The following NOTCH1 variants were observed in gnomAD, a reference collection of about 807,000 sequenced individuals.
NOTCH1 encodes neurogenic locus notch homolog protein 1.
A neutral mutation model predicts 254.8 loss-of-function variants in NOTCH1; 37 were observed. The observed-to-expected ratio is 0.15, with a 90% confidence interval of 0.11 to 0.19. The LOEUF is 0.19. NOTCH1 is among the 10% of genes least tolerant of loss of function. The probability of loss-of-function intolerance (pLI) is 1.00; values close to 1 mark genes in which losing one functional copy is unlikely to be tolerated. For missense variants in NOTCH1, 2,972 were observed against 3,708.6 expected (o/e 0.80, Z 5.16); for synonymous variants, 1,731 against 1,618.1 (o/e 1.07, Z -1.68).
rs1456299219 is a variant in NOTCH1, at chr9:136,540,722, G to C, written c.140+3302C>G. Among the ~76,000 whole-genome samples, 1 of 152,074 alleles carries C rather than the reference G, an allele frequency of 6.6e-6. No homozygotes were observed. The highest frequency in any genetic ancestry group is 2.1e-4 in the South Asian group (1 of 4,812). On this transcript the variant is annotated intron_variant, in intron 2 of 33. Coordinates refer to ENST00000651671, the MANE Select transcript of NOTCH1 (RefSeq NM_017617.5). The surrounding 1 kb of genome is among the most constrained non-coding windows in gnomAD (Gnocchi z 4.4). ...GGCCTCAGACACGAGGTTGTCCAAA[G>C]CTAAAGCGCACCACCCAGCAGGCAG...
At position 136,540,248 on chromosome 9, in the gene NOTCH1, T is replaced by C. The variant is rs1473576184; in HGVS notation, c.140+3776A>G. The stretch of plus-strand genomic sequence containing the variant: ...GTGAACTCCACAGGAGCAGGGGCCA[T>C]GTCTGCCCTGTCCCCACCGGGGGCC... On this transcript the variant is annotated intron_variant, in intron 2 of 33. Coordinates refer to ENST00000651671, the MANE Select transcript of NOTCH1 (RefSeq NM_017617.5). The surrounding 1 kb of genome is among the most constrained non-coding windows in gnomAD (Gnocchi z 4.4). Among the ~76,000 whole-genome samples, 2 of 152,162 alleles carry C rather than the reference T, an allele frequency of 1.3e-5. No homozygotes were observed. Among genetic ancestry groups the C allele is most frequent in the Non-Finnish European group, 2.9e-5 (2 of 68,016 alleles).
At chr9:136,535,707 G>A in intron 2 of NOTCH1, among the ~76,000 whole-genome samples, 1 of 51,126 alleles carries the variant, frequency 2.0e-5, no homozygotes, top group African/African-American at 1.0e-4. Flanking sequence ...CAGGGGCAAT[G>A]GGTGCAGGGT....
In NOTCH1 at chr9:136,519,627, C is replaced by T. The variant is rs753325669; in HGVS notation, c.743-62G>A. 2.2e-5 allele frequency: 36 copies of T among 1,609,954 alleles called. No homozygotes were observed. In the African/African-American group the frequency reaches 3.1e-4, roughly 14 times the overall value. On this transcript the variant is annotated intron_variant, in intron 4 of 33. Coordinates refer to ENST00000651671, the MANE Select transcript of NOTCH1 (RefSeq NM_017617.5). ...GGTCCAGTCCGGCTCCTGCCTGGAC[C>T]CCCGACACACTGCTCTGGACACAAG...
rs905649343 is a variant in NOTCH1 at position 136,526,570 on chromosome 9, A to ACTCT, written c.141-2592_141-2591insAGAG. 1.4e-4 allele frequency among the ~76,000 whole-genome samples: 22 copies of ACTCT among 152,222 alleles called. No homozygotes were observed. In the East Asian group the frequency reaches 3.5e-3, roughly 24 times the overall value. ...AGCTTTAGGGGACCCCAGAGGGGAG[A>ACTCT]CGCTGGAGGTCCGAGCCCCTAGAGC... On this transcript the variant is annotated intron_variant, in intron 2 of 33. Coordinates refer to ENST00000651671, the MANE Select transcript of NOTCH1 (RefSeq NM_017617.5).
At chr9:136,526,525 G>A (rs1483524833) in intron 2 of NOTCH1, among the ~76,000 whole-genome samples, 1 of 152,202 alleles carries the variant, frequency 6.6e-6, no homozygotes, top group Non-Finnish European at 1.5e-5. Flanking sequence ...GGGAGGAGGG[G>A]CAGGGGAGGC....
At position 136,508,207 on chromosome 9, in the gene NOTCH1, G is replaced by A. The variant is rs777244795; in HGVS notation, c.3325+25C>T. On this transcript the variant is annotated intron_variant, in intron 20 of 33. Transcript: ENST00000651671. ...AGAGGACCTTGATGGGCTGGGACCC[G>A]AGCTGGGTGGGCACAGCAGGTTACC... 2.7e-5 allele frequency: 43 copies of A among 1,609,564 alleles called. No homozygotes were observed. In the Middle Eastern group the frequency reaches 1.8e-3, roughly 69 times the overall value.
In NOTCH1 at chr9:136,533,978, C is replaced by T. The variant is rs367603720; in HGVS notation, c.141-9999G>A. ...TGCCTGTGGCTCGGGCCATGAGTCA[C>T]GCTGGGTAACCCCACTACGGGGAAG... On this transcript the variant is annotated intron_variant, in intron 2 of 33. Coordinates refer to ENST00000651671, the MANE Select transcript of NOTCH1 (RefSeq NM_017617.5). 1.3e-4 allele frequency among the ~76,000 whole-genome samples: 20 copies of T among 152,334 alleles called. No individual in the cohort carries two copies. The South Asian group carries it at 3.7e-3, about 28-fold the overall frequency.
At chr9:136,507,812 T>C in intron 21 of NOTCH1, 143 bp downstream of exon 21, 1 of 889,848 alleles carries the variant, frequency 1.1e-6, no homozygotes, top group Non-Finnish European at 1.8e-6. Flanking sequence ...CTACCCTGAT[T>C]ACCCCAGCCC....
rs756488622 is a variant in NOTCH1 at position 136,508,341 on chromosome 9, G to A, written c.3216C>T (p.Gly1072=). The A allele has an allele frequency of 6.2e-7, 1 of 1,613,134 alleles. No homozygotes were observed. The highest frequency in any genetic ancestry group is 1.1e-5 in the South Asian group (1 of 91,090). Residue 1072 remains glycine, a synonymous_variant, in exon 20 of 34, where the codon GGC becomes GGT. Transcript: ENST00000651671. ...WCDSSPCKNG[G]KCWQTHTQYR... ...ACTGGGTGTGGGTCTGCCAGCATTT[G>A]CCGCCGTTCTTGCAGGGCGAGGAGT...
rs528601367 is a variant in NOTCH1 at position 136,533,662 on chromosome 9, G to C, written c.141-9683C>G. On this transcript the variant is annotated intron_variant, in intron 2 of 33. Coordinates refer to ENST00000651671, the MANE Select transcript of NOTCH1 (RefSeq NM_017617.5). ...GAGCTGCTGCCTCCCGCAGGGTCGA[G>C]GGCAGGACACTTGTCTGAGGCTTGG... 2.6e-5 allele frequency among the ~76,000 whole-genome samples: 4 copies of C among 152,382 alleles called. No individual in the cohort carries two copies. The East Asian group carries it at 7.7e-4, about 29-fold the overall frequency.
rs752255207 is a variant in NOTCH1 at position 136,518,256 on chromosome 9, T to C, written c.1136A>G (p.Asn379Ser). The C allele has an allele frequency of 8.7e-6, 14 of 1,611,256 alleles. No homozygotes were observed. In the South Asian group the frequency reaches 1.1e-4, roughly 13 times the overall value. Residue 379 changes from asparagine (N) to serine (S), a missense_variant, in exon 7 of 34, where the codon AAC (asparagine) becomes AGC (serine). Asn to Ser is a conservative substitution (Grantham distance 46). Coordinates refer to ENST00000651671, the MANE Select transcript of NOTCH1 (RefSeq NM_017617.5). ...GCAGTTGGAGCCCTCGTTACAGGGGTTGCTGATGCATGCGTCGTTGAGGTG... is the reference window on the plus strand; with the variant it reads ...GCAGTTGGAGCCCTCGTTACAGGGGCTGCTGATGCATGCGTCGTTGAGGTG... ...LCHLNDACISNPCNEGSNCDT... is the reference protein window; with the variant it reads ...LCHLNDACISSPCNEGSNCDT...
At chr9:136,530,030 G>A (rs1375768655) in intron 2 of NOTCH1, among the ~76,000 whole-genome samples, 1 of 152,224 alleles carries the variant, frequency 6.6e-6, no homozygotes. Context: ...CAGGAAGGAG[G>A]AAAGGGGCAG....
At chr9:136,499,329 C>T (rs560659278) in intron 31 of NOTCH1, 70 bp from the exon 32 acceptor site, 27 of 1,575,474 alleles carry the variant, frequency 1.7e-5, no homozygotes, top group Middle Eastern at 1.9e-4. Context: ...CCAGAACGAA[C>T]GCCTGGACGG....
At chr9:136,528,635 C>T (rs187686603) in intron 2 of NOTCH1, among the ~76,000 whole-genome samples, 190 of 151,396 alleles carry the variant, frequency 1.3e-3, no homozygotes, top group African/African-American at 4.5e-3. Flanking sequence ...GCCCTGCACA[C>T]CCCGGCTCCC....
At chr9:136,543,951 TC>T in intron 2 of NOTCH1, 72 bp downstream of exon 2, 1 of 1,357,660 alleles carries the variant, frequency 7.4e-7, no homozygotes, top group Non-Finnish European at 1.0e-6. Flanking sequence ...TAGTGTTCTG[TC>T]CCCTGCGCGG....
intron 2 of NOTCH1, chr9:136,543,519 G>A (rs1843763329): frequency 3.3e-6 from 1 of 301,434 alleles, no homozygotes; most frequent in Non-Finnish European, 6.4e-6. Context: ...ACCCGCCCAG[G>A]AGGTGGCATC....
At chr9:136,498,578 GGCA>G (rs527896804) in intron 33 of NOTCH1, among the ~76,000 whole-genome samples, 87 of 152,300 alleles carry the variant, frequency 5.7e-4, no homozygotes, top group African/African-American at 1.8e-3. Flanking sequence ...ACACAGCAGT[GGCA>G]GCAGCAGCGT....
In NOTCH1 at chr9:136,496,550, G is replaced by A. The variant is rs374789141; in HGVS notation, c.7189C>T (p.Leu2397=). ...TGCTGCTGGATGTTTGCTGGCTGCA[G>A]GTTCTGCTGCTGCATCTGTAAGTTT... ...PQNLQMQQQN[L]QPANIQQQQS... The change falls in exon 34 of 34, where the codon CTG becomes TTG. Residue 2397 remains leucine, a synonymous_variant. Transcript: ENST00000651671. 1 of 1,609,888 alleles carries A rather than the reference G, an allele frequency of 6.2e-7. No individual in the cohort carries two copies. The highest frequency in any genetic ancestry group is 8.5e-7 in the Non-Finnish European group (1 of 1,179,978).
intron 2 of NOTCH1, 145 bp downstream of exon 2, chr9:136,543,879 T>C: frequency 1.3e-6 from 1 of 792,246 alleles, no homozygotes; most frequent in Non-Finnish European, 2.2e-6. Flanking sequence ...CCAGACTTTG[T>C]CCAATAAAAG....
Sources: gnomAD v4.1 joint callset for allele counts (sites outside exome capture counted in the v4.1 genomes callset) on GRCh38, gnomAD v4.1.1 for gene constraint, Gnocchi (gnomAD v3.1) non-coding constraint, MANE v1.5 for transcripts, NCBI Gene and HGNC (gene_info 2026-07-23, HGNC 2026-07-21) for gene names.